The following ANO3 variants were observed in gnomAD, a reference collection of about 807,000 sequenced individuals.
ANO3 encodes anoctamin 3.
In ANO3, 99 loss-of-function variants were observed where a neutral mutation model predicts 144.8. The observed-to-expected ratio is 0.68, with a 90% CI of 0.58 to 0.81. The LOEUF (loss-of-function observed/expected upper bound fraction) is 0.81. ANO3 is among the 30% of genes least tolerant of loss of function. The probability of loss-of-function intolerance (pLI) is 0.00; values close to 1 mark genes in which losing one functional copy is unlikely to be tolerated. For synonymous variants in ANO3, 414 were observed against 392.6 expected, an observed-to-expected ratio of 1.05 and a Z score of -0.64; for missense variants, 905 against 1,202.2, an observed-to-expected ratio of 0.75 and a Z score of 3.66.
intron 1 of ANO3, among the ~76,000 whole-genome samples, chr11:26,311,946 C>T (rs1308663354): frequency 6.6e-6 from 1 of 152,174 alleles, no homozygotes. Flanking sequence ...GTGTGCTGCA[C>T]CCATTAACTG....
intron 4 of ANO3, among the ~76,000 whole-genome samples, chr11:26,467,222 A>G (rs1859630490): frequency 6.6e-6 from 1 of 151,964 alleles, no homozygotes; most frequent in Non-Finnish European, 1.5e-5. Flanking sequence ...TGATACAGGC[A>G]TACAAAATAT....
At chr11:26,474,190 T>C (rs1387526902) in intron 4 of ANO3, 2 of 771,442 alleles carry the variant, frequency 2.6e-6, no homozygotes, top group African/African-American at 3.8e-5. Flanking sequence ...CTTAAACATA[T>C]GTAGAGAAGC....
chr11:26,578,851 T>C (rs1291004284), intron 14 of ANO3, among the ~76,000 whole-genome samples: 1 of 152,182 alleles, frequency 6.6e-6, no homozygotes, highest in Non-Finnish European at 1.5e-5. Context: ...AACCTACAAA[T>C]GGCAGCCTTG....
chr11:26,361,521 G>C (rs1375062745), intron 1 of ANO3, among the ~76,000 whole-genome samples: 1 of 152,064 alleles, frequency 6.6e-6, no homozygotes, highest in African/African-American at 2.4e-5. Flanking sequence ...CCTCTTATGA[G>C]TCTCAGGCAA....
intron 1 of ANO3, among the ~76,000 whole-genome samples, chr11:26,394,665 C>T (rs570143509): frequency 2.6e-5 from 4 of 151,332 alleles, no homozygotes; most frequent in African/African-American, 9.7e-5. Context: ...GCAACCTCCG[C>T]CTCCCAGGTT....
intron 1 of ANO3, among the ~76,000 whole-genome samples, chr11:26,385,477 A>C (rs1453558911): frequency 6.6e-6 from 1 of 152,160 alleles, no homozygotes; most frequent in Non-Finnish European, 1.5e-5. Context: ...TAGGGGAAAA[A>C]AATCTTTTTT....
intron 1 of ANO3, among the ~76,000 whole-genome samples, chr11:26,382,716 C>G (rs1856622180): frequency 6.6e-6 from 1 of 152,078 alleles, no homozygotes; most frequent in Non-Finnish European, 1.5e-5. Flanking sequence ...CTAGTTTCTT[C>G]CTCCTTTAGG....
At chr11:26,260,047 CTTTT>C (rs768969943) in intron 1 of ANO3, among the ~76,000 whole-genome samples, 6 of 129,734 alleles carry the variant, frequency 4.6e-5, no homozygotes, top group Non-Finnish European at 6.7e-5. Context: ...TTTTAAAGTG[CTTTT>C]TTTTTTTTTT....
intron 1 of ANO3, among the ~76,000 whole-genome samples, chr11:26,338,361 G>A (rs1221984999): frequency 6.6e-6 from 1 of 152,242 alleles, no homozygotes; most frequent in South Asian, 2.1e-4. Context: ...ACTAATCAGT[G>A]CTCTGTGTCT....
chr11:26,419,523 T>C (rs935483744), intron 1 of ANO3, among the ~76,000 whole-genome samples: 1 of 147,954 alleles, frequency 6.8e-6, no homozygotes, highest in Non-Finnish European at 1.5e-5. Flanking sequence ...ATAGGATTTT[T>C]TTCAGTCTTT....
intron 1 of ANO3, among the ~76,000 whole-genome samples, chr11:26,263,780 T>G (rs1342018901): frequency 2.0e-5 from 3 of 152,200 alleles, no homozygotes; most frequent in African/African-American, 7.2e-5. Flanking sequence ...TTGGTTTCAT[T>G]GATTACTGGA....
chr11:26,510,582 C>T (rs1861625564), intron 5 of ANO3, among the ~76,000 whole-genome samples: 1 of 152,186 alleles, frequency 6.6e-6, no homozygotes, highest in Admixed American at 6.5e-5. Flanking sequence ...TTGTTTTTCT[C>T]ACATATCTCA....
At chr11:26,623,912 G>C (rs1176584544) in intron 17 of ANO3, among the ~76,000 whole-genome samples, 1 of 151,876 alleles carries the variant, frequency 6.6e-6, no homozygotes, top group South Asian at 2.1e-4. Flanking sequence ...TCAGCCTCCC[G>C]AGTAGCTGGG....
In ANO3 at chr11:26,500,868, C is replaced by G. The variant is rs78426840; in HGVS notation, c.433-7236C>G. On this transcript the variant is annotated intron_variant, in intron 4 of 26. Transcript: ENST00000256737. ...TGTAACAAGAGCTATTAGGAGGAAACAGTTGTAGCTGTAAAATAAGTTTTA... is the reference window on the plus strand; with the variant it reads ...TGTAACAAGAGCTATTAGGAGGAAAGAGTTGTAGCTGTAAAATAAGTTTTA... Among the ~76,000 whole-genome samples, 284 of 151,844 alleles carry G rather than the reference C, an allele frequency of 1.9e-3. 8 individuals carry two copies. In the East Asian group the frequency reaches 0.052, roughly 28 times the overall value.
chr11:26,560,471 C>A (rs1315818844), intron 14 of ANO3: 1 of 152,298 alleles, frequency 6.6e-6, no homozygotes, highest in Non-Finnish European at 1.5e-5. Context: ...TCATTGTCAG[C>A]TTCATAACTC....
intron 11 of ANO3, among the ~76,000 whole-genome samples, chr11:26,544,784 A>C (rs890199331): frequency 6.6e-6 from 1 of 152,000 alleles, no homozygotes; most frequent in African/African-American, 2.4e-5. Flanking sequence ...TCTTCAGGTA[A>C]TTCCAGCAAG....
chr11:26,251,537 C>A (rs56186968), intron 1 of ANO3, among the ~76,000 whole-genome samples: 6,279 of 152,264 alleles, frequency 0.041, 183 homozygotes, highest in Non-Finnish European at 0.059. Context: ...TAATCTGTTT[C>A]TCTGCATTTA....
At chr11:26,305,244 A>C (rs1248404262), upstream of ANO3, among the ~76,000 whole-genome samples, 3 of 152,038 alleles carry the variant, frequency 2.0e-5, no homozygotes, top group Non-Finnish European at 2.9e-5. Context: ...AGCATTGATA[A>C]TGCATGATTC....
chr11:26,291,815 G>A (rs559851059), intron 1 of ANO3, among the ~76,000 whole-genome samples: 1 of 152,246 alleles, frequency 6.6e-6, no homozygotes, highest in South Asian at 2.1e-4. Flanking sequence ...TGGGTAACTC[G>A]ACCTTTCTCT....
Sources: allele counts gnomAD v4.1 joint callset (sites outside exome capture counted in the v4.1 genomes callset), GRCh38; gene constraint gnomAD v4.1.1; transcripts MANE v1.5; gene names NCBI Gene and HGNC (gene_info 2026-07-23, HGNC 2026-07-21).